The following GPATCH8 variants were observed in gnomAD, a reference collection of about 807,000 sequenced individuals.
The protein encoded by GPATCH8 is G patch domain-containing protein 8.
Under a neutral mutation model 118.3 loss-of-function variants are expected in GPATCH8, and 18 were observed. The observed-to-expected ratio is 0.15, with a 90% CI of 0.11 to 0.23. GPATCH8 has a LOEUF of 0.23. Among genes scored for constraint, GPATCH8 ranks in the 10% least tolerant of loss-of-function variants. The pLI, the probability that GPATCH8 is intolerant of heterozygous loss-of-function variation, is 1.00. For synonymous variants in GPATCH8, 659 were observed against 684.7 expected (o/e 0.96, Z 0.59); for missense variants, 1,631 against 1,873.8 (o/e 0.87, Z 2.39).
At chr17:44,492,335 T>C (rs1305880645) in intron 1 of GPATCH8, among the ~76,000 whole-genome samples, 2 of 142,672 alleles carry the variant, frequency 1.4e-5, no homozygotes, top group African/African-American at 2.6e-5. Context: ...CCCAGCACTT[T>C]GGGAGGCCGA....
At chr17:44,466,206 C>T (rs905073634) in intron 2 of GPATCH8, among the ~76,000 whole-genome samples, 4 of 151,544 alleles carry the variant, frequency 2.6e-5, no homozygotes, top group Admixed American at 2.6e-4. Context: ...TGAGGTTTCA[C>T]TATGTTGCCC....
At chr17:44,467,945 C>T (rs1340609873) in intron 2 of GPATCH8, among the ~76,000 whole-genome samples, 2 of 151,934 alleles carry the variant, frequency 1.3e-5, no homozygotes, top group Admixed American at 6.6e-5. Flanking sequence ...GGGAAACAAG[C>T]AATCTATTCT....
Position 44,428,056 on chromosome 17 carries a change from C to T in GPATCH8, c.349-3564G>A, listed in dbSNP as rs955916352. On this transcript the variant is annotated intron_variant, in intron 5 of 7. Transcript: ENST00000591680. ...CAGCACTTTGGGAGGCCGAGGCAGG[C>T]GGATTACCTGAGCTCAAGAGTTTGA... 8.8e-4 allele frequency among the ~76,000 whole-genome samples: 133 copies of T among 150,798 alleles called. 1 individual carries two copies. The highest frequency in any genetic ancestry group is 1.6e-3 in the Non-Finnish European group (108 of 67,416).
intron 3 of GPATCH8, among the ~76,000 whole-genome samples, chr17:44,450,680 T>C (rs2051080946): frequency 6.6e-6 from 1 of 152,252 alleles, no homozygotes; most frequent in African/African-American, 2.4e-5. Context: ...AATGAACTTT[T>C]GAAAGATTTT....
chr17:44,484,117 G>T (rs1422761297), intron 1 of GPATCH8, among the ~76,000 whole-genome samples: 2 of 152,090 alleles, frequency 1.3e-5, no homozygotes, highest in African/African-American at 4.8e-5. Context: ...TGGGATTACA[G>T]GTGTGAGCCA....
At position 44,397,324 on chromosome 17, in the gene GPATCH8, C is replaced by G. The variant is rs2048813855; in HGVS notation, c.*244G>C. 1 of 661,774 alleles carries G rather than the reference C, an allele frequency of 1.5e-6. No homozygotes were observed. Among genetic ancestry groups the G allele is most frequent in the Admixed American group, 2.1e-5 (1 of 48,634 alleles). The allele number at this position is 661,774 out of a possible 1,614,324, so 41.0% of individuals were successfully genotyped here. ...GGGTGGGTAGCACTTACTGGTGTTC[C>G]CTAGCTTAGAAACACAGAAGAGGGA... On this transcript the variant is annotated 3_prime_UTR_variant, in exon 8 of 8. Coordinates refer to ENST00000591680, the MANE Select transcript of GPATCH8 (RefSeq NM_001002909.4).
At position 44,401,165 on chromosome 17, in the gene GPATCH8, A is replaced by G; in HGVS notation, c.912T>C (p.Phe304=). 6.2e-7 allele frequency: 1 copy of G among 1,614,192 alleles called. No homozygotes were observed. The change falls in exon 8 of 8, where the codon TTT becomes TTC. Residue 304 remains phenylalanine (F), a synonymous_variant. Coordinates refer to ENST00000591680, the MANE Select transcript of GPATCH8 (RefSeq NM_001002909.4). ...PLQKLGVSFS[F]AKKAPVKLES... ...CGAGTTTGACAGGAGCCTTTTTGGC[A>G]AAAGAAAATGACACTCCCAATTTTT...
At chr17:44,495,714 C>T (rs1281326890) in intron 1 of GPATCH8, among the ~76,000 whole-genome samples, 2 of 152,070 alleles carry the variant, frequency 1.3e-5, no homozygotes, top group Admixed American at 6.6e-5. Context: ...ACAGATGATA[C>T]CCTAGTACAA....
rs1241763080 is a variant in GPATCH8, at chr17:44,400,036, GCTT to G, written c.2038_2040del (p.Lys680del). The G allele has an allele frequency of 1.2e-6, 2 of 1,613,746 alleles. No individual in the cohort carries two copies. Among genetic ancestry groups the G allele is most frequent in the African/African-American group, 1.3e-5 (1 of 74,854 alleles). ...CGTTTGTGTTTGCTGGATTTTTTGTGCTTCTTTTTCTTTTTGTGCCGGTGGGAC... is the reference window on the plus strand; with the variant it reads ...CGTTTGTGTTTGCTGGATTTTTTGTGCTTTTTCTTTTTGTGCCGGTGGGAC... On this transcript the variant is annotated inframe_deletion, in exon 8 of 8. Coordinates refer to ENST00000591680, the MANE Select transcript of GPATCH8 (RefSeq NM_001002909.4).
chr17:44,428,097 C>CGTGATG (rs1480631656), intron 5 of GPATCH8, among the ~76,000 whole-genome samples: 1 of 152,042 alleles, frequency 6.6e-6, no homozygotes, highest in Non-Finnish European at 1.5e-5. Context: ...GCCTGGGCAA[C>CGTGATG]ATAGCAAAAC....
rs560841233 is a variant in GPATCH8, at chr17:44,427,644, T to C, written c.349-3152A>G. ...AGTTTGCTTACTTCTGCAAACTCAA[T>C]AGAAGTAAAAAGAACTTTACAAAAC... On this transcript the variant is annotated intron_variant, in intron 5 of 7. Coordinates refer to ENST00000591680, the MANE Select transcript of GPATCH8 (RefSeq NM_001002909.4). 5.0e-4 allele frequency among the ~76,000 whole-genome samples: 76 copies of C among 152,152 alleles called. No homozygotes were observed. In the Middle Eastern group the frequency reaches 0.01, roughly 20 times the overall value.
At chr17:44,470,472 G>A (rs1378208623) in intron 2 of GPATCH8, among the ~76,000 whole-genome samples, 1 of 143,296 alleles carries the variant, frequency 7.0e-6, no homozygotes, top group African/African-American at 2.6e-5. Context: ...GGGATTATAG[G>A]TGTGAGCCAC....
At chr17:44,501,946 A>T (rs1383861778) in intron 1 of GPATCH8, among the ~76,000 whole-genome samples, 8 of 152,204 alleles carry the variant, frequency 5.3e-5, no homozygotes, top group African/African-American at 1.9e-4. Flanking sequence ...GTATATATAT[A>T]TATTTCTCAG....
intron 1 of GPATCH8, among the ~76,000 whole-genome samples, chr17:44,491,200 T>C (rs1969217007): frequency 6.6e-6 from 1 of 152,140 alleles, no homozygotes; most frequent in South Asian, 2.1e-4. Flanking sequence ...TAAAATTTAA[T>C]ACAACTTCAG....
chr17:44,463,538 A>T (rs2051642492), intron 3 of GPATCH8, among the ~76,000 whole-genome samples: 1 of 152,118 alleles, frequency 6.6e-6, no homozygotes, highest in East Asian at 1.9e-4. Context: ...ATGTGCCACC[A>T]CGCCTGGCTA....
At chr17:44,411,184 G>A (rs2049415688) in intron 6 of GPATCH8, among the ~76,000 whole-genome samples, 1 of 152,140 alleles carries the variant, frequency 6.6e-6, no homozygotes, top group African/African-American at 2.4e-5. Flanking sequence ...ATTGGGCTTT[G>A]CAGATCATCT....
chr17:44,402,951 C>T (rs1283811466), intron 7 of GPATCH8, among the ~76,000 whole-genome samples: 1 of 152,180 alleles, frequency 6.6e-6, no homozygotes, highest in African/African-American at 2.4e-5. Flanking sequence ...TGGGGTCTAA[C>T]TGCATTGCCC....
intron 3 of GPATCH8, among the ~76,000 whole-genome samples, chr17:44,446,920 C>T (rs375377716): frequency 3.3e-5 from 5 of 151,020 alleles, no homozygotes; most frequent in African/African-American, 9.7e-5. Context: ...CTGCAACCTC[C>T]GCCTCGCAGG....
intron 7 of GPATCH8, among the ~76,000 whole-genome samples, chr17:44,405,153 C>T (rs942646230): frequency 6.6e-6 from 1 of 151,624 alleles, no homozygotes; most frequent in Non-Finnish European, 1.5e-5. Context: ...ACTAGGTAAC[C>T]TATGAATATG....
Sources: gnomAD v4.1 joint callset for allele counts (sites outside exome capture counted in the v4.1 genomes callset) on GRCh38, gnomAD v4.1.1 for gene constraint, MANE v1.5 for transcripts, NCBI Gene and HGNC (gene_info 2026-07-23, HGNC 2026-07-21) for gene names.